Variants in CTDSPL observed in about 807,000 individuals in gnomAD.
CTDSPL encodes the protein CTD small phosphatase-like protein.
A neutral mutation model predicts 30.5 loss-of-function variants in CTDSPL; 8 were observed. The ratio of observed to expected loss-of-function variants is 0.26; its 90% CI spans 0.15 to 0.47. The LOEUF is 0.47. Among genes scored for constraint, CTDSPL ranks in the 20% least tolerant of loss-of-function variants. CTDSPL has a pLI of 0.99. For missense variants in CTDSPL, 248 were observed against 366.1 expected, an observed-to-expected ratio of 0.68 and a Z score of 2.63; for synonymous variants, 110 against 137.9, an observed-to-expected ratio of 0.80 and a Z score of 1.42.
chr3:37,862,115 G>A lies in CTDSPL; in HGVS notation c.-85G>A. ...GCGGCTGCGAGCGCCCCCCCGCGCC[G>A]CGCCCCCGCGCCCCCCGCGCCGCGC... On this transcript the variant is annotated 5_prime_UTR_variant, in exon 1 of 8. Coordinates refer to ENST00000273179, the MANE Select transcript of CTDSPL (RefSeq NM_001008392.2). This position sits in a 1 kb window ranked among gnomAD's most constrained non-coding sequence, Gnocchi z 4.3. The A allele has an allele frequency of 4.1e-6, 2 of 492,120 alleles. No homozygotes were observed. The highest frequency in any genetic ancestry group is 5.2e-6 in the Non-Finnish European group (2 of 385,302). 30.5% of individuals were successfully genotyped at this position (492,120 alleles called of 1,614,324 possible). A position where few individuals can be genotyped will look rare whatever the true frequency, so the allele number is the denominator to read the frequency against.
intron 1 of CTDSPL, among the ~76,000 whole-genome samples, chr3:37,869,215 G>A (rs567828124): frequency 1.1e-4 from 16 of 152,086 alleles, no homozygotes; most frequent in Admixed American, 3.3e-4. Context: ...AACACATTGC[G>A]TAGTGATCAG....
At chr3:37,960,068 G>A (rs1699218665) in intron 3 of CTDSPL, among the ~76,000 whole-genome samples, 1 of 151,964 alleles carries the variant, frequency 6.6e-6, no homozygotes, top group Non-Finnish European at 1.5e-5. Flanking sequence ...AACTGGGCAT[G>A]GTGGCCGGGT....
chr3:37,947,312 C>A, intron 2 of CTDSPL, 101 bp downstream of exon 2: 1 of 1,371,002 alleles, frequency 7.3e-7, no homozygotes, highest in Non-Finnish European at 9.9e-7. Context: ...CAGAGCCAGG[C>A]GTGGTGGCTC....
intron 1 of CTDSPL, among the ~76,000 whole-genome samples, chr3:37,941,627 T>C (rs1415150980): frequency 2.0e-5 from 3 of 150,024 alleles, no homozygotes; most frequent in Non-Finnish European, 4.5e-5. Context: ...TGGCCTCAGG[T>C]GATCTGCCCG....
chr3:37,962,819 A>G (rs1439762763), intron 3 of CTDSPL, among the ~76,000 whole-genome samples: 1 of 152,244 alleles, frequency 6.6e-6, no homozygotes, highest in Non-Finnish European at 1.5e-5. Context: ...AATCTTTACA[A>G]TGAGAATGTG....
At chr3:37,970,651 G>A (rs757909119) in intron 5 of CTDSPL, among the ~76,000 whole-genome samples, 7 of 152,148 alleles carry the variant, frequency 4.6e-5, no homozygotes, top group Non-Finnish European at 1.0e-4. Flanking sequence ...ATGGTCTGAA[G>A]CCTGGCCTCC....
intron 6 of CTDSPL, among the ~76,000 whole-genome samples, chr3:37,973,446 C>A (rs1323555646): frequency 1.3e-5 from 2 of 152,246 alleles, no homozygotes; most frequent in Non-Finnish European, 2.9e-5. Flanking sequence ...CTCCCACCTG[C>A]CCCACCATCT....
chr3:37,917,805 G>T (rs1040077946), intron 1 of CTDSPL, among the ~76,000 whole-genome samples: 2 of 152,118 alleles, frequency 1.3e-5, no homozygotes, highest in African/African-American at 4.8e-5. Flanking sequence ...TACATGTGTT[G>T]AATAATATAT....
At chr3:37,900,322 T>A (rs114370608) in intron 1 of CTDSPL, among the ~76,000 whole-genome samples, 260 of 152,298 alleles carry the variant, frequency 1.7e-3, no homozygotes, top group African/African-American at 5.9e-3. Context: ...ATACGAAACA[T>A]GTATACAACC....
intron 7 of CTDSPL, among the ~76,000 whole-genome samples, chr3:37,976,313 C>G (rs895461056): frequency 3.9e-5 from 6 of 152,094 alleles, no homozygotes; most frequent in African/African-American, 1.2e-4. Context: ...ACTAAGGAGG[C>G]CTGGTTGATC....
At chr3:37,886,610 G>T (rs1487214206) in intron 1 of CTDSPL, among the ~76,000 whole-genome samples, 1 of 152,216 alleles carries the variant, frequency 6.6e-6, no homozygotes, top group African/African-American at 2.4e-5. Context: ...TATTCAGAGA[G>T]ACCAAGGGAC....
intron 1 of CTDSPL, among the ~76,000 whole-genome samples, chr3:37,881,773 A>G (rs1013140334): frequency 2.3e-5 from 3 of 131,382 alleles, no homozygotes; most frequent in African/African-American, 5.6e-5. Flanking sequence ...TGAAAAACTG[A>G]AAAAAAAAAT....
rs868807764 is a variant in CTDSPL at position 37,937,363 on chromosome 3, A to G, written c.80-9694A>G. 8.7e-5 allele frequency among the ~76,000 whole-genome samples: 13 copies of G among 150,278 alleles called. 3 individuals carry two copies. The Middle Eastern group carries it at 0.014, about 162-fold the overall frequency. On this transcript the variant is annotated intron_variant, in intron 1 of 7. Transcript: ENST00000273179. ...GATCCCTCATGAGTAAGTAAATACC[A>G]TCTGGCCTGAGTGAGTTCTTGCTCT... is the stretch of plus-strand genomic sequence containing the variant.
rs900047044 is a variant in CTDSPL, at chr3:37,941,702, A to G, written c.80-5355A>G. ...CCGCATTTGGGCCGGGCATGTTTTC[A>G]TTGACAGGGATAAGGAGGAGAAAGA... On this transcript the variant is annotated intron_variant, in intron 1 of 7. Transcript: ENST00000273179. Among the ~76,000 whole-genome samples the G allele has an allele frequency of 1.9e-4, 28 of 150,114 alleles. 1 individual carries two copies. Among genetic ancestry groups the G allele is most frequent in the African/African-American group, 6.1e-4 (25 of 41,260 alleles).
intron 1 of CTDSPL, among the ~76,000 whole-genome samples, chr3:37,869,572 G>A (rs933140339): frequency 1.3e-5 from 2 of 152,056 alleles, no homozygotes; most frequent in Non-Finnish European, 2.9e-5. Flanking sequence ...ACACTTACAT[G>A]TCTTCATTTC....
At chr3:37,914,616 TATG>T (rs987145239) in intron 1 of CTDSPL, among the ~76,000 whole-genome samples, 2 of 152,366 alleles carry the variant, frequency 1.3e-5, no homozygotes, top group East Asian at 1.9e-4. Context: ...ATTCTGTTAA[TATG>T]ATGACTTGCA....
intron 1 of CTDSPL, among the ~76,000 whole-genome samples, chr3:37,919,713 G>A (rs1223907251): frequency 6.6e-6 from 1 of 152,154 alleles, no homozygotes; most frequent in Non-Finnish European, 1.5e-5. Flanking sequence ...TGGGAAAGGG[G>A]GCCAGGGTTT....
chr3:37,919,660 C>T (rs533801813), intron 1 of CTDSPL, among the ~76,000 whole-genome samples: 8 of 152,180 alleles, frequency 5.3e-5, no homozygotes, highest in African/African-American at 1.9e-4. Context: ...AACTGGTTAG[C>T]GGGAAGAAGC....
At position 37,975,559 on chromosome 3, in the gene CTDSPL, G is replaced by T. The variant is rs1699415265; in HGVS notation, c.520-150G>T. The T allele has an allele frequency of 9.3e-6, 6 of 643,536 alleles. No homozygotes were observed. Among genetic ancestry groups the T allele is most frequent in the Non-Finnish European group, 1.6e-5 (6 of 384,912 alleles). 39.9% of individuals were successfully genotyped at this position (643,536 alleles called of 1,614,324 possible). On this transcript the variant is annotated intron_variant, in intron 6 of 7. Coordinates refer to ENST00000273179, the MANE Select transcript of CTDSPL (RefSeq NM_001008392.2). This position sits in a 1 kb window ranked among gnomAD's most constrained non-coding sequence, Gnocchi z 4.9. ...ATGGAAGAATCCAGTGCCATCTTAT[G>T]TACACGGAGAGGAAAATAACCAGGA...
Sources: gnomAD v4.1 joint callset for allele counts (sites outside exome capture counted in the v4.1 genomes callset) on GRCh38, gnomAD v4.1.1 for gene constraint, Gnocchi (gnomAD v3.1) non-coding constraint, MANE v1.5 for transcripts, NCBI Gene and HGNC (gene_info 2026-07-23, HGNC 2026-07-21) for gene names.